EPHA5: variants seen among roughly 807,000 people sequenced by gnomAD.
The protein encoded by EPHA5 is ephrin type-A receptor 5.
Under a neutral mutation model 105.0 loss-of-function variants are expected in EPHA5, and 60 were observed. The ratio of observed to expected loss-of-function variants is 0.57; its 90% CI spans 0.46 to 0.71. The LOEUF is 0.71. Among genes scored for constraint, EPHA5 ranks in the 30% least tolerant of loss-of-function variants. The pLI is 0.00. For missense variants in EPHA5, 1,218 were observed against 1,274.7 expected, an observed-to-expected ratio of 0.96 and a Z score of 0.68; for synonymous variants, 513 against 449.1, an observed-to-expected ratio of 1.14 and a Z score of -1.80.
chr4:65,348,217 A>C lies in EPHA5; in HGVS notation c.2446-14T>G, dbSNP rs752434100. ...AATTTTTCCTCCCTAAAATTGAAAA[A>C]GATTTAAAAAACTTCCTACATACTT... On this transcript the variant is annotated splice_polypyrimidine_tract_variant and intron_variant, in intron 13 of 16. Transcript: ENST00000613740. 5.6e-6 allele frequency: 9 copies of C among 1,607,270 alleles called. No homozygotes were observed. In the Admixed American group the frequency reaches 1.4e-4, roughly 24 times the overall value.
chr4:65,417,104 C>G (rs1470939072), intron 6 of EPHA5, among the ~76,000 whole-genome samples: 1 of 152,168 alleles, frequency 6.6e-6, no homozygotes, highest in Non-Finnish European at 1.5e-5. Flanking sequence ...AAACACCCTG[C>G]CAAGGGGCAG....
intron 5 of EPHA5, among the ~76,000 whole-genome samples, chr4:65,436,210 C>T (rs1578113599): frequency 6.6e-6 from 1 of 151,900 alleles, no homozygotes; most frequent in Non-Finnish European, 1.5e-5. Context: ...TAAAATAGAA[C>T]TTGGGGAATC....
intron 3 of EPHA5, among the ~76,000 whole-genome samples, chr4:65,599,174 T>C (rs1283954400): frequency 6.6e-6 from 1 of 152,042 alleles, no homozygotes; most frequent in East Asian, 1.9e-4. Flanking sequence ...GTAATTTCTA[T>C]AAACACTGTG....
intron 2 of EPHA5, among the ~76,000 whole-genome samples, chr4:65,629,903 C>T (rs1746473095): frequency 2.6e-5 from 4 of 152,034 alleles, no homozygotes; most frequent in Admixed American, 2.6e-4. Context: ...GAGCTAGTCA[C>T]TTTAATATAG....
intron 14 of EPHA5, among the ~76,000 whole-genome samples, chr4:65,337,157 A>C (rs769545972): frequency 6.6e-6 from 1 of 152,132 alleles, no homozygotes; most frequent in Non-Finnish European, 1.5e-5. Context: ...GGTATAAAAT[A>C]TATAATGATC....
chr4:65,351,407 C>T lies in EPHA5; in HGVS notation c.2427G>A (p.Glu809=), dbSNP rs2148853978. The change falls in exon 13 of 17, where the codon GAG becomes GAA. Residue 809 remains glutamate, a synonymous_variant. Transcript: ENST00000613740. ...ATCTTACCCTTGTGGTGTAGGCTGC[C>T]TCGGGATCATCTTCCAGTACCCGGG... ...GLSRVLEDDP[E]AAYTTRGGKI... 3 of 1,613,600 alleles carry T rather than the reference C, an allele frequency of 1.9e-6. No homozygotes were observed. The highest frequency in any genetic ancestry group is 2.5e-6 in the Non-Finnish European group (3 of 1,179,742).
At chr4:65,653,343 G>A (rs1436316384) in intron 1 of EPHA5, among the ~76,000 whole-genome samples, 4 of 152,014 alleles carry the variant, frequency 2.6e-5, no homozygotes, top group Admixed American at 6.6e-5. Context: ...TAATATTAAT[G>A]TAAACCCTAC....
At position 65,648,942 on chromosome 4, in the gene EPHA5, C is replaced by T. The variant is rs529048994; in HGVS notation, c.182-5515G>A. ...GTGCAGAGAAAGAGGACATGTGTTT[C>T]CCACTGGAAAACTAGATTTGTAAAT... On this transcript the variant is annotated intron_variant, in intron 1 of 16. Coordinates refer to ENST00000613740, the MANE Select transcript of EPHA5 (RefSeq NM_001281766.3). Among the ~76,000 whole-genome samples, 19 of 152,170 alleles carry T rather than the reference C, an allele frequency of 1.2e-4. 1 individual carries two copies. The South Asian group carries it at 2.3e-3, about 18-fold the overall frequency.
chr4:65,533,649 T>C (rs1391564000), intron 3 of EPHA5, among the ~76,000 whole-genome samples: 12 of 151,888 alleles, frequency 7.9e-5, no homozygotes, highest in Admixed American at 7.9e-4. Flanking sequence ...GAAAGAGGGA[T>C]GAGGGCCGGG....
intron 3 of EPHA5, among the ~76,000 whole-genome samples, chr4:65,555,285 C>T (rs1287072556): frequency 6.6e-6 from 1 of 151,812 alleles, no homozygotes; most frequent in African/African-American, 2.4e-5. Flanking sequence ...GAAGAAATAC[C>T]CGAGGGCTGT....
chr4:65,468,603 TTA>T (rs66730052), intron 5 of EPHA5, among the ~76,000 whole-genome samples: 113,753 of 122,512 alleles, frequency 0.93, 52,849 homozygotes, highest in East Asian at 0.99. Context: ...AATATATATA[TTA>T]TATATATTAT....
chr4:65,396,287 A>G (rs1181674341), intron 8 of EPHA5, among the ~76,000 whole-genome samples: 1 of 152,160 alleles, frequency 6.6e-6, no homozygotes, highest in Admixed American at 6.5e-5. Context: ...CCTTTTCTCT[A>G]CAGGACTTAA....
intron 1 of EPHA5, among the ~76,000 whole-genome samples, chr4:65,650,308 G>A (rs1176669604): frequency 1.3e-5 from 2 of 151,820 alleles, no homozygotes; most frequent in African/African-American, 4.8e-5. Context: ...AGCACTTTGG[G>A]AGGCCGAGGC....
rs532077337 is a variant in EPHA5, at chr4:65,575,533, G to A, written c.910+26108C>T. On this transcript the variant is annotated intron_variant, in intron 3 of 16. Transcript: ENST00000613740. ...GAGTGGCTTATTTACTCACATAAAT[G>A]TTGCCATTTCACCTTCCTTTATCCT... Among the ~76,000 whole-genome samples, 5 of 152,222 alleles carry A rather than the reference G, an allele frequency of 3.3e-5. No individual in the cohort carries two copies. In the South Asian group the frequency reaches 6.2e-4, roughly 19 times the overall value.
intron 5 of EPHA5, among the ~76,000 whole-genome samples, chr4:65,448,569 A>G (rs1003540181): frequency 6.6e-6 from 1 of 152,060 alleles, no homozygotes; most frequent in African/African-American, 2.4e-5. Flanking sequence ...AATTGCTTGA[A>G]CCCAGGAGGC....
intron 5 of EPHA5, among the ~76,000 whole-genome samples, chr4:65,435,486 A>C (rs1725391172): frequency 6.6e-6 from 1 of 152,168 alleles, no homozygotes; most frequent in East Asian, 1.9e-4. Context: ...ACTGATTCTC[A>C]TAGCCACAAG....
chr4:65,472,162 A>G (rs1266363861), intron 5 of EPHA5, among the ~76,000 whole-genome samples: 1 of 152,156 alleles, frequency 6.6e-6, no homozygotes, highest in Non-Finnish European at 1.5e-5. Flanking sequence ...GGTCCCAGGC[A>G]TGTCTGAAAT....
chr4:65,631,432 T>A (rs1312759393), intron 2 of EPHA5, among the ~76,000 whole-genome samples: 5 of 152,176 alleles, frequency 3.3e-5, no homozygotes, highest in Non-Finnish European at 7.3e-5. Context: ...AAGTTTTAAC[T>A]AAAATATAGT....
At chr4:65,532,557 C>T (rs1473598004) in intron 3 of EPHA5, among the ~76,000 whole-genome samples, 8 of 148,286 alleles carry the variant, frequency 5.4e-5, no homozygotes, top group Admixed American at 4.0e-4. Context: ...TTCCTGTTTC[C>T]TGGGTCCTGT....
Sources: gnomAD v4.1 joint callset for allele counts (sites outside exome capture counted in the v4.1 genomes callset) on GRCh38, gnomAD v4.1.1 for gene constraint, MANE v1.5 for transcripts, NCBI Gene and HGNC (gene_info 2026-07-23, HGNC 2026-07-21) for gene names.